Variants in MYO3B observed in about 807,000 individuals in gnomAD.
MYO3B encodes the protein myosin IIIB.
In MYO3B, 156 loss-of-function variants were observed where a neutral mutation model predicts 174.6. That is an observed-to-expected ratio of 0.89 (90% CI 0.78 to 1.02). The LOEUF is 1.02. Ranked by LOEUF, MYO3B falls within the 50% of genes least tolerant of loss-of-function variation. MYO3B has a pLI of 0.00. For missense variants in MYO3B, 1,632 were observed against 1,639.4 expected, an observed-to-expected ratio of 1.00 and a Z score of 0.08; for synonymous variants, 563 against 569.1, an observed-to-expected ratio of 0.99 and a Z score of 0.15.
rs564147121 is a variant in MYO3B at position 170,326,855 on chromosome 2, G to C, written c.750-8530G>C. 9.8e-5 allele frequency among the ~76,000 whole-genome samples: 15 copies of C among 152,292 alleles called. No homozygotes were observed. The East Asian group carries it at 2.5e-3, about 25-fold the overall frequency. ...CCACAGGCCTGGGGTAATAATACCT[G>C]ATATGGGAAACATGTAATCTTCATA... On this transcript the variant is annotated intron_variant, in intron 7 of 34. Coordinates refer to ENST00000408978, the MANE Select transcript of MYO3B (RefSeq NM_138995.5).
At chr2:170,546,534 G>A (rs1690495573) in intron 32 of MYO3B, among the ~76,000 whole-genome samples, 1 of 152,214 alleles carries the variant, frequency 6.6e-6, no homozygotes. Context: ...ATTTCATTTT[G>A]TTGCTATTGC....
rs542280579 is a variant in MYO3B at position 170,301,833 on chromosome 2, G to A, written c.750-33552G>A. Among the ~76,000 whole-genome samples the A allele has an allele frequency of 1.9e-4, 28 of 149,030 alleles. No individual in the cohort carries two copies. The South Asian group carries it at 5.8e-3, about 31-fold the overall frequency. Reference sequence around the variant, plus strand: ...ATGTGCAAGGTGAGAAAGCCTACAGGAAACGAGCGACATAGAGCGGCCACA... The same window carrying A: ...ATGTGCAAGGTGAGAAAGCCTACAGAAAACGAGCGACATAGAGCGGCCACA... On this transcript the variant is annotated intron_variant, in intron 7 of 34. Coordinates refer to ENST00000408978, the MANE Select transcript of MYO3B (RefSeq NM_138995.5).
chr2:170,427,196 A>G (rs1164483962), intron 22 of MYO3B, among the ~76,000 whole-genome samples: 1 of 152,204 alleles, frequency 6.6e-6, no homozygotes, highest in East Asian at 1.9e-4. Context: ...ATTAGTGTAG[A>G]GTTGTGATGC....
chr2:170,526,527 T>C (rs1019822422), intron 30 of MYO3B, among the ~76,000 whole-genome samples: 3 of 152,230 alleles, frequency 2.0e-5, no homozygotes, highest in African/African-American at 4.8e-5. Flanking sequence ...TTTTCTTGTA[T>C]TCCTGGCTCC....
chr2:170,584,443 A>G (rs1278233691), intron 32 of MYO3B, among the ~76,000 whole-genome samples: 3 of 152,186 alleles, frequency 2.0e-5, no homozygotes, highest in Non-Finnish European at 4.4e-5. Flanking sequence ...CATAACTTTT[A>G]TTACTTGAGC....
At chr2:170,562,422 A>G (rs1004662513) in intron 32 of MYO3B, among the ~76,000 whole-genome samples, 1 of 152,188 alleles carries the variant, frequency 6.6e-6, no homozygotes, top group Non-Finnish European at 1.5e-5. Flanking sequence ...TCAAAGGCTG[A>G]AATTTGGTAG....
Position 170,466,641 on chromosome 2 carries a change from A to T in MYO3B, c.2944A>T (p.Ile982Phe). 2 of 1,614,220 alleles carry T rather than the reference A, an allele frequency of 1.2e-6. No individual in the cohort carries two copies. Among genetic ancestry groups the T allele is most frequent in the Non-Finnish European group, 1.7e-6 (2 of 1,180,030 alleles). ...RVLAQLRSTG[I>F]LETVSIRRQG... ...GCTGGCCCAGCTCCGCTCCACAGGG[A>T]TTCTGGAGACAGTCAGCATCCGCCG... is the stretch of plus-strand genomic sequence containing the variant. Residue 982 changes from isoleucine to phenylalanine, a missense_variant, in exon 25 of 35, where the codon ATT becomes TTT. Transcript: ENST00000408978.
chr2:170,569,572 C>T (rs1468842878), intron 32 of MYO3B, among the ~76,000 whole-genome samples: 2 of 149,684 alleles, frequency 1.3e-5, no homozygotes, highest in African/African-American at 4.9e-5. Context: ...CATAGGAAAC[C>T]GAGAGTTGGC....
rs112337424 is a variant in MYO3B, at chr2:170,202,724, T to C, written c.321+2440T>C. On this transcript the variant is annotated intron_variant, in intron 3 of 34. Transcript: ENST00000408978. Reference sequence around the variant, plus strand: ...AGCTGGATGACAATGATGGTCCACATAGTACCCTATTTTGTTCTCTCTGCA... The same window carrying C: ...AGCTGGATGACAATGATGGTCCACACAGTACCCTATTTTGTTCTCTCTGCA... Among the ~76,000 whole-genome samples, 156 of 152,314 alleles carry C rather than the reference T, an allele frequency of 1.0e-3. 1 individual carries two copies. Among genetic ancestry groups the C allele is most frequent in the African/African-American group, 3.6e-3 (150 of 41,562 alleles).
At chr2:170,613,065 A>G (rs751123331) in intron 32 of MYO3B, among the ~76,000 whole-genome samples, 2 of 152,198 alleles carry the variant, frequency 1.3e-5, no homozygotes, top group South Asian at 2.1e-4. Flanking sequence ...AAGCAGGGCC[A>G]TACTCCAGTC....
At chr2:170,519,181 A>T (rs991437198) in intron 29 of MYO3B, among the ~76,000 whole-genome samples, 1 of 152,086 alleles carries the variant, frequency 6.6e-6, no homozygotes, top group African/African-American at 2.4e-5. Context: ...TGCACTCTTT[A>T]TATCTATTGC....
chr2:170,563,693 T>G (rs186965291), intron 32 of MYO3B, among the ~76,000 whole-genome samples: 2 of 152,316 alleles, frequency 1.3e-5, no homozygotes, highest in East Asian at 3.9e-4. Flanking sequence ...GTAGGCAATT[T>G]CTGGTGTTGG....
chr2:170,464,511 T>G (rs1684497335), intron 24 of MYO3B, among the ~76,000 whole-genome samples: 1 of 152,096 alleles, frequency 6.6e-6, no homozygotes, highest in Non-Finnish European at 1.5e-5. Context: ...GGGCAGGACT[T>G]GGGAGCCAGC....
chr2:170,294,025 A>T (rs992706663), intron 7 of MYO3B, among the ~76,000 whole-genome samples: 2 of 152,000 alleles, frequency 1.3e-5, no homozygotes, highest in African/African-American at 4.8e-5. Context: ...CAGAATCCTC[A>T]AATAACTGCT....
intron 7 of MYO3B, among the ~76,000 whole-genome samples, chr2:170,238,439 A>G (rs1013410005): frequency 6.6e-6 from 1 of 152,126 alleles, no homozygotes; most frequent in Non-Finnish European, 1.5e-5. Flanking sequence ...CTTTGAATCC[A>G]TTTGGCTTCA....
intron 8 of MYO3B, among the ~76,000 whole-genome samples, chr2:170,356,055 G>C (rs1478987792): frequency 1.3e-5 from 2 of 151,952 alleles, no homozygotes; most frequent in Non-Finnish European, 2.9e-5. Context: ...CTGCCTCCTG[G>C]GTTCACGCCA....
intron 8 of MYO3B, among the ~76,000 whole-genome samples, chr2:170,353,091 T>C (rs1310436165): frequency 2.6e-5 from 4 of 152,204 alleles, no homozygotes; most frequent in African/African-American, 9.6e-5. Flanking sequence ...TATATACACA[T>C]AAAAATCTGC....
chr2:170,445,022 A>G (rs965962523), intron 23 of MYO3B, among the ~76,000 whole-genome samples: 1 of 152,222 alleles, frequency 6.6e-6, no homozygotes, highest in African/African-American at 2.4e-5. Context: ...TGAATCAGCA[A>G]ATACTGAACC....
intron 32 of MYO3B, among the ~76,000 whole-genome samples, chr2:170,587,760 T>A (rs529878213): frequency 6.6e-6 from 1 of 152,276 alleles, no homozygotes; most frequent in South Asian, 2.1e-4. Context: ...CTGACTACAG[T>A]GTTGAATTTA....
Sources: gnomAD v4.1 joint callset for allele counts (sites outside exome capture counted in the v4.1 genomes callset) on GRCh38, gnomAD v4.1.1 for gene constraint, MANE v1.5 for transcripts, NCBI Gene and HGNC (gene_info 2026-07-23, HGNC 2026-07-21) for gene names.